Variants in DENND2A observed in about 807,000 individuals in gnomAD.
DENND2A encodes DENN domain-containing protein 2A.
DENND2A carries 53 observed loss-of-function variants against 105.3 expected under a neutral mutation model. That is an observed-to-expected ratio of 0.50 (90% CI 0.40 to 0.63). DENND2A has a LOEUF of 0.63. Among genes scored for constraint, DENND2A ranks in the 30% least tolerant of loss-of-function variants. The pLI is 0.00. For synonymous variants in DENND2A, 522 were observed against 508.4 expected (o/e 1.03, Z -0.36); for missense variants, 1,138 against 1,279.6 (o/e 0.89, Z 1.69).
chr7:140,624,431 C>T (rs1800428197), intron 1 of DENND2A, among the ~76,000 whole-genome samples: 1 of 152,252 alleles, frequency 6.6e-6, no homozygotes, highest in African/African-American at 2.4e-5. Context: ...GGCCCCTCAA[C>T]ACCAACACAG....
At position 140,573,695 on chromosome 7, in the gene DENND2A, A is replaced by G. The variant is rs185985839; in HGVS notation, c.1446+113T>C. 238 of 1,238,678 alleles carry G rather than the reference A, an allele frequency of 1.9e-4. 1 individual carries two copies. The African/African-American group carries it at 3.4e-3, about 18-fold the overall frequency. 76.7% of individuals were successfully genotyped at this position (1,238,678 alleles called of 1,614,324 possible). A position where few individuals can be genotyped will look rare whatever the true frequency, so the allele number is the denominator to read the frequency against. On this transcript the variant is annotated intron_variant, in intron 6 of 19. Transcript: ENST00000496613. ...CACTGTGTCCCCCTGGCCTGCAGCAACACAGGTGGGAGAGGGGCCAGTGAT... is the reference window on the plus strand; with the variant it reads ...CACTGTGTCCCCCTGGCCTGCAGCAGCACAGGTGGGAGAGGGGCCAGTGAT...
At chr7:140,519,565 C>T (rs112251962) in intron 19 of DENND2A, 67 bp downstream of exon 19, 6 of 1,445,618 alleles carry the variant, frequency 4.2e-6, no homozygotes, top group East Asian at 4.5e-5. Flanking sequence ...TGGAGGGAAC[C>T]GGCTGGGACT....
At chr7:140,630,728 G>T (rs1800706949) in intron 1 of DENND2A, among the ~76,000 whole-genome samples, 1 of 152,118 alleles carries the variant, frequency 6.6e-6, no homozygotes, top group Non-Finnish European at 1.5e-5. Context: ...AGGCATGGTG[G>T]CACACACCTG....
intron 2 of DENND2A, among the ~76,000 whole-genome samples, chr7:140,603,346 C>T (rs527982290): frequency 2.9e-4 from 44 of 152,266 alleles, no homozygotes; most frequent in African/African-American, 9.1e-4. Flanking sequence ...ACATAGGCTG[C>T]TTTTCCTGCT....
intron 12 of DENND2A, among the ~76,000 whole-genome samples, chr7:140,554,648 A>G (rs1797285981): frequency 6.6e-6 from 1 of 152,184 alleles, no homozygotes; most frequent in Admixed American, 6.5e-5. Context: ...AAAAAGAAAA[A>G]AAATTATGAA....
chr7:140,565,201 G>GC (rs1797792489), intron 9 of DENND2A, among the ~76,000 whole-genome samples: 2 of 152,138 alleles, frequency 1.3e-5, no homozygotes, highest in African/African-American at 4.8e-5. Context: ...CTGGGGTTAT[G>GC]CCTGGGTGGT....
At position 140,518,498 on chromosome 7, in the gene DENND2A, G is replaced by A. The variant is rs912473341; in HGVS notation, c.*209C>T. 17 of 473,638 alleles carry A rather than the reference G, an allele frequency of 3.6e-5. No individual in the cohort carries two copies. The highest frequency in any genetic ancestry group is 6.0e-5 in the African/African-American group (3 of 49,610). The allele number at this position is 473,638 out of a possible 1,614,324, so 29.3% of individuals were successfully genotyped here. A position where few individuals can be genotyped will look rare whatever the true frequency, so the allele number is the denominator to read the frequency against. On this transcript the variant is annotated 3_prime_UTR_variant, in exon 20 of 20. Transcript: ENST00000496613. ...CAACCCATTTGCATGTCGGCGACACGCCTGGTCTCGGGCTCCCTTTCTGGG... is the reference window on the plus strand; with the variant it reads ...CAACCCATTTGCATGTCGGCGACACACCTGGTCTCGGGCTCCCTTTCTGGG...
chr7:140,623,174 G>A (rs1404564312), intron 1 of DENND2A, among the ~76,000 whole-genome samples: 1 of 151,064 alleles, frequency 6.6e-6, no homozygotes, highest in Non-Finnish European at 1.5e-5. Context: ...AATTAGCCAG[G>A]TGTGGTGGCG....
At chr7:140,581,885 A>G (rs1413626410) in intron 5 of DENND2A, among the ~76,000 whole-genome samples, 1 of 152,158 alleles carries the variant, frequency 6.6e-6, no homozygotes, top group Non-Finnish European at 1.5e-5. Flanking sequence ...CAGCAGTGAC[A>G]AGAAGAAAAG....
intron 1 of DENND2A, among the ~76,000 whole-genome samples, chr7:140,628,505 C>T (rs1352279425): frequency 2.0e-5 from 3 of 149,624 alleles, no homozygotes; most frequent in East Asian, 2.0e-4. Flanking sequence ...TTTCAAGATA[C>T]GGGAAATCCC....
chr7:140,613,663 T>C (rs1301409668), intron 1 of DENND2A, among the ~76,000 whole-genome samples: 1 of 125,556 alleles, frequency 8.0e-6, no homozygotes, highest in Non-Finnish European at 1.6e-5. Flanking sequence ...GCAGCCACCC[T>C]TAAAATTAAA....
In DENND2A at chr7:140,558,929, C is replaced by T. The variant is rs1049590296; in HGVS notation, c.1890-717G>A. Among the ~76,000 whole-genome samples, 13 of 151,900 alleles carry T rather than the reference C, an allele frequency of 8.6e-5. No homozygotes were observed. In the South Asian group the frequency reaches 2.5e-3, roughly 29 times the overall value. On this transcript the variant is annotated intron_variant, in intron 10 of 19. Transcript: ENST00000496613. ...GCGATTCTCCTGCCCCAGCGCCTGC[C>T]ACCACCATGCCTAGCTAAGGGCTCT...
At chr7:140,530,245 G>A (rs2130477854) in intron 14 of DENND2A, among the ~76,000 whole-genome samples, 1 of 152,200 alleles carries the variant, frequency 6.6e-6, no homozygotes, top group East Asian at 1.9e-4. Context: ...AATCATCATT[G>A]TTGTACATGA....
intron 8 of DENND2A, among the ~76,000 whole-genome samples, chr7:140,568,051 C>T (rs546548847): frequency 6.6e-6 from 1 of 152,330 alleles, no homozygotes; most frequent in East Asian, 1.9e-4. Flanking sequence ...AGTGATACTC[C>T]TCCCTCAGCC....
rs775655015 is a variant in DENND2A at position 140,522,003 on chromosome 7, G to T, written c.2763C>A (p.Gly921=). 3.1e-6 allele frequency: 5 copies of T among 1,614,176 alleles called. No individual in the cohort carries two copies. The South Asian group carries it at 4.4e-5, about 14-fold the overall frequency. Residue 921 remains glycine (G), a synonymous_variant, in exon 18 of 20, where the codon GGC becomes GGA. Coordinates refer to ENST00000496613, the MANE Select transcript of DENND2A (RefSeq NM_015689.5). The part of the protein sequence containing the change: ...VGHYSLFLTS[G]EREERTLQRE... ...GCTGCAGGGTTCTCTCCTCACGCTC[G>T]CCCGACGTCAGGAACAAAGAGTAGT...
chr7:140,641,118 G>A (rs969335157), upstream of DENND2A, among the ~76,000 whole-genome samples: 7 of 152,038 alleles, frequency 4.6e-5, no homozygotes, highest in East Asian at 3.9e-4. Flanking sequence ...GGGGAACGGC[G>A]GCCGCGTGCC....
At chr7:140,624,077 G>A (rs1265842542) in intron 1 of DENND2A, among the ~76,000 whole-genome samples, 2 of 152,216 alleles carry the variant, frequency 1.3e-5, no homozygotes, top group African/African-American at 4.8e-5. Flanking sequence ...AGCAGAAGGA[G>A]GAGCTGAGCT....
intron 3 of DENND2A, among the ~76,000 whole-genome samples, chr7:140,592,862 CA>C (rs1799120588): frequency 6.6e-6 from 1 of 152,092 alleles, no homozygotes; most frequent in African/African-American, 2.4e-5. Context: ...CTCAGCCCCC[CA>C]AAGTGCTGGG....
At chr7:140,638,911 A>C (rs1801063598) in intron 1 of DENND2A, among the ~76,000 whole-genome samples, 1 of 152,050 alleles carries the variant, frequency 6.6e-6, no homozygotes, top group African/African-American at 2.4e-5. Flanking sequence ...TTGTTTGACT[A>C]CCCAGCTAGG....
Sources: gnomAD v4.1 joint callset for allele counts (sites outside exome capture counted in the v4.1 genomes callset) on GRCh38, gnomAD v4.1.1 for gene constraint, MANE v1.5 for transcripts, NCBI Gene and HGNC (gene_info 2026-07-23, HGNC 2026-07-21) for gene names.